Variants in RNF214 observed in about 807,000 individuals in gnomAD.
RNF214 encodes ring finger protein 214.
RNF214 carries 25 observed loss-of-function variants against 75.9 expected under a neutral mutation model. That is an observed-to-expected ratio of 0.33 (90% CI 0.24 to 0.46). The LOEUF is 0.46. Among genes scored for constraint, RNF214 ranks in the 20% least tolerant of loss-of-function variants. RNF214 has a pLI of 1.00. For missense variants in RNF214, 725 were observed against 857.5 expected (o/e 0.85, Z 1.93); for synonymous variants, 314 against 308.8 (o/e 1.02, Z -0.18).
intron 6 of RNF214, among the ~76,000 whole-genome samples, chr11:117,262,139 G>A (rs1419309715): frequency 6.0e-5 from 9 of 150,030 alleles, no homozygotes; most frequent in East Asian, 2.0e-4. Flanking sequence ...GTGCAATCTC[G>A]GCTCACTGCA....
chr11:117,282,481 T>C lies in RNF214; in HGVS notation c.1790T>C (p.Ile597Thr), dbSNP rs2034148120. The change falls in exon 12 of 15, where the codon ATC becomes ACC. Residue 597 changes from isoleucine (I) to threonine (T), a missense_variant. Coordinates refer to ENST00000300650, the MANE Select transcript of RNF214 (RefSeq NM_207343.4). The stretch of plus-strand genomic sequence containing the variant: ...GCAGGCCTGACCATGGAGGAACTTA[T>C]CCAGTTGGTTGCTGCACGACTGGCA... ...TMAGLTMEEL[I>T]QLVAARLAEH... is the part of the protein sequence containing the mutation. 1.5e-5 allele frequency: 24 copies of C among 1,614,034 alleles called. No individual in the cohort carries two copies. The highest frequency in any genetic ancestry group is 2.2e-5 in the East Asian group (1 of 44,892).
chr11:117,278,643 G>T (rs1204583240), intron 6 of RNF214, among the ~76,000 whole-genome samples: 6 of 152,140 alleles, frequency 3.9e-5, no homozygotes, highest in Non-Finnish European at 8.8e-5. Context: ...CATGTAAGGA[G>T]GGAGGAAACC....
intron 3 of RNF214, chr11:117,239,435 C>G (rs892286138): frequency 2.7e-5 from 12 of 448,734 alleles, no homozygotes; most frequent in Middle Eastern, 6.1e-4. Context: ...AGGAAGAATC[C>G]TTGTTAATTC....
intron 4 of RNF214, among the ~76,000 whole-genome samples, chr11:117,243,621 T>G (rs1309664693): frequency 2.0e-5 from 3 of 152,248 alleles, no homozygotes; most frequent in African/African-American, 7.2e-5. Context: ...CTCTTCAAAT[T>G]TTAGTGTCCC....
chr11:117,272,432 G>GT (rs2033931236), intron 6 of RNF214, among the ~76,000 whole-genome samples: 1 of 152,106 alleles, frequency 6.6e-6, no homozygotes, highest in Non-Finnish European at 1.5e-5. Context: ...ACCAGGGTCA[G>GT]TTGGGGGGGT....
chr11:117,234,289 T>C lies in RNF214; in HGVS notation c.17T>C (p.Val6Ala). The C allele has an allele frequency of 6.2e-7, 1 of 1,614,050 alleles. No individual in the cohort carries two copies. Among genetic ancestry groups the C allele is most frequent in the Non-Finnish European group, 8.5e-7 (1 of 1,179,866 alleles). The change falls in exon 2 of 15, where the codon GTT (valine) becomes GCT (alanine). Residue 6 changes from valine (V) to alanine (A), a missense_variant. Physicochemically the swap from Val to Ala is moderately conservative, Grantham distance 64 (BLOSUM62 0). Around this residue, in one of 2 missense-constraint regions of RNF214, gnomAD observed 362 missense variants for 344.5 expected, o/e 1.05. Coordinates refer to ENST00000300650, the MANE Select transcript of RNF214 (RefSeq NM_207343.4). MAASE[V>A]AGVVANAPSP... Reference sequence around the variant, plus strand: ...CAGAGCATAATGGCAGCGTCTGAGGTTGCTGGTGTTGTGGCCAATGCCCCC... The same window carrying C: ...CAGAGCATAATGGCAGCGTCTGAGGCTGCTGGTGTTGTGGCCAATGCCCCC...
At chr11:117,247,471 G>A (rs2033255590) in intron 6 of RNF214, among the ~76,000 whole-genome samples, 2 of 152,092 alleles carry the variant, frequency 1.3e-5, no homozygotes, top group African/African-American at 4.8e-5. Context: ...CTCCAGCTTG[G>A]GTGACAGAGC....
At chr11:117,248,585 A>G (rs1555053408) in intron 6 of RNF214, among the ~76,000 whole-genome samples, 1 of 152,172 alleles carries the variant, frequency 6.6e-6, no homozygotes, top group Non-Finnish European at 1.5e-5. Context: ...AACATGAGGA[A>G]TTGTGTTTGA....
chr11:117,268,532 A>G lies in RNF214; in HGVS notation c.960-11376A>G, dbSNP rs148920085. On this transcript the variant is annotated intron_variant, in intron 6 of 14. Transcript: ENST00000300650. ...TTAATTGTATTTTCCCTTATACCAC[A>G]TAAGTGTGGCTCTGTTTCTTTACTG... 6.9e-3 allele frequency among the ~76,000 whole-genome samples: 1,053 copies of G among 152,318 alleles called. 4 individuals carry two copies. The highest frequency in any genetic ancestry group is 0.017 in the Middle Eastern group (5 of 294).
At chr11:117,250,766 C>T (rs1361764472) in intron 6 of RNF214, among the ~76,000 whole-genome samples, 1 of 142,616 alleles carries the variant, frequency 7.0e-6, no homozygotes. Flanking sequence ...CTGCGGCCTT[C>T]CGCAGTGTTT....
intron 5 of RNF214, 129 bp downstream of exon 5, chr11:117,244,714 G>C (rs1247171876): frequency 1.5e-6 from 1 of 664,850 alleles, no homozygotes; most frequent in African/African-American, 1.9e-5. Context: ...CACTCAGGCT[G>C]GAATGTGGTA....
At chr11:117,267,523 G>A (rs1280773074) in intron 6 of RNF214, among the ~76,000 whole-genome samples, 1 of 151,630 alleles carries the variant, frequency 6.6e-6, no homozygotes, top group Non-Finnish European at 1.5e-5. Context: ...ACCAGTTTGG[G>A]CAACATAATG....
intron 6 of RNF214, 129 bp from the exon 7 acceptor site, chr11:117,279,779 G>A: frequency 1.7e-6 from 1 of 605,044 alleles, no homozygotes; most frequent in Non-Finnish European, 2.9e-6. Flanking sequence ...AATAAGTATA[G>A]TTAATACTTA....
At chr11:117,272,418 A>G (rs2033930833) in intron 6 of RNF214, among the ~76,000 whole-genome samples, 1 of 152,098 alleles carries the variant, frequency 6.6e-6, no homozygotes, top group South Asian at 2.1e-4. Flanking sequence ...GGGGAACAAC[A>G]CACACCAGGG....
At chr11:117,232,922 G>A in intron 1 of RNF214, 196 bp downstream of exon 1, 1 of 138,554 alleles carries the variant, frequency 7.2e-6, no homozygotes, top group East Asian at 2.5e-4. Flanking sequence ...CGGGGTGGGG[G>A]GACCGAGGGG....
chr11:117,250,924 G>A lies in RNF214; in HGVS notation c.959+3976G>A, dbSNP rs1480444340. On this transcript the variant is annotated intron_variant, in intron 6 of 14. Coordinates refer to ENST00000300650, the MANE Select transcript of RNF214 (RefSeq NM_207343.4). ...CAGCACATGTTTCAGAGAGCACAGG[G>A]TTGGGGGTAAGGTCACAGATCAACA... Among the ~76,000 whole-genome samples, 3 of 146,210 alleles carry A rather than the reference G, an allele frequency of 2.1e-5. No homozygotes were observed. The Admixed American group carries it at 2.1e-4, about 10-fold the overall frequency.
intron 1 of RNF214, among the ~76,000 whole-genome samples, chr11:117,232,982 C>A (rs999539338): frequency 6.6e-6 from 1 of 151,928 alleles, no homozygotes; most frequent in African/African-American, 2.4e-5. Context: ...CTAGCAGTCC[C>A]CTGTGGGGGG....
At chr11:117,274,231 C>T (rs2033965704) in intron 6 of RNF214, among the ~76,000 whole-genome samples, 1 of 151,826 alleles carries the variant, frequency 6.6e-6, no homozygotes, top group Admixed American at 6.6e-5. Context: ...TGTGCATACA[C>T]ATGGAAGAAC....
At chr11:117,283,279 C>T (rs2034166834) in intron 14 of RNF214, 69 bp downstream of exon 14, 1 of 1,066,582 alleles carries the variant, frequency 9.4e-7, no homozygotes, top group South Asian at 1.4e-5. Context: ...TTTTCTTTCT[C>T]ATTTTCTACT....
Sources: allele counts gnomAD v4.1 joint callset (sites outside exome capture counted in the v4.1 genomes callset), GRCh38; gene constraint gnomAD v4.1.1; regional missense constraint gnomAD v4.1.1; transcripts MANE v1.5; gene names NCBI Gene and HGNC (gene_info 2026-07-23, HGNC 2026-07-21).